Variants in TULP4 observed in about 807,000 individuals in gnomAD.
TULP4 encodes tubby-related protein 4.
In TULP4, 16 loss-of-function variants were observed where a neutral mutation model predicts 129.0. The ratio of observed to expected loss-of-function variants is 0.12; its 90% CI spans 0.08 to 0.19. The LOEUF (loss-of-function observed/expected upper bound fraction) is 0.19, where lower values mean the gene tolerates loss of function less well. Among genes scored for constraint, TULP4 ranks in the 10% least tolerant of loss-of-function variants. The pLI, the probability that TULP4 is intolerant of heterozygous loss-of-function variation, is 1.00. For missense variants in TULP4, 1,842 were observed against 2,059.1 expected (o/e 0.89, Z 2.04); for synonymous variants, 998 against 854.0 (o/e 1.17, Z -2.94).
chr6:158,359,082 T>G (rs903627864), intron 1 of TULP4, among the ~76,000 whole-genome samples: 1 of 152,188 alleles, frequency 6.6e-6, no homozygotes, highest in Admixed American at 6.5e-5. Flanking sequence ...TGTAATACAT[T>G]AAGATAGCCT....
At chr6:158,491,087 T>C (rs940264471) in intron 9 of TULP4, among the ~76,000 whole-genome samples, 1 of 152,186 alleles carries the variant, frequency 6.6e-6, no homozygotes, top group Admixed American at 6.5e-5. Flanking sequence ...TAAAGTTTAT[T>C]AGAAACTGCC....
At chr6:158,337,870 G>A (rs1780084833) in intron 1 of TULP4, among the ~76,000 whole-genome samples, 1 of 151,994 alleles carries the variant, frequency 6.6e-6, no homozygotes, top group African/African-American at 2.4e-5. Flanking sequence ...GAAACCAGAG[G>A]AATATCGAAT....
intron 1 of TULP4, among the ~76,000 whole-genome samples, chr6:158,395,957 T>C (rs777728209): frequency 1.3e-5 from 2 of 152,176 alleles, no homozygotes; most frequent in East Asian, 1.9e-4. Flanking sequence ...TGAAATACGA[T>C]GTCGAGTGAG....
At chr6:158,237,925 T>A in intron 1 of TULP4, 1 of 728,012 alleles carries the variant, frequency 1.4e-6, no homozygotes, top group South Asian at 1.4e-5. Context: ...TTTCCATAGC[T>A]GTTCTAGGTC....
At chr6:158,299,608 G>C (rs760084546) in intron 1 of TULP4, among the ~76,000 whole-genome samples, 144 of 152,248 alleles carry the variant, frequency 9.5e-4, no homozygotes, top group African/African-American at 3.0e-3. Flanking sequence ...CATGTCCAAA[G>C]CCCAGAGGAG....
At chr6:158,253,144 A>G (rs9364885) in intron 1 of TULP4, among the ~76,000 whole-genome samples, 23,643 of 151,896 alleles carry the variant, frequency 0.16, 2,482 homozygotes, top group East Asian at 0.43. Flanking sequence ...TTTTGCTCTC[A>G]CTCTGCTGTC....
At chr6:158,241,954 G>T (rs964988192) in intron 1 of TULP4, 1 of 868,684 alleles carries the variant, frequency 1.2e-6, no homozygotes, top group Non-Finnish European at 2.0e-6. Flanking sequence ...TACTCTTTCC[G>T]CATTGGTTAA....
chr6:158,346,439 T>C (rs1780314776), intron 1 of TULP4, among the ~76,000 whole-genome samples: 1 of 152,230 alleles, frequency 6.6e-6, no homozygotes, highest in Admixed American at 6.5e-5. Flanking sequence ...CATGAGCCAC[T>C]GCACCTCATC....
At chr6:158,402,629 C>A (rs1777879744) in intron 1 of TULP4, among the ~76,000 whole-genome samples, 1 of 152,148 alleles carries the variant, frequency 6.6e-6, no homozygotes, top group African/African-American at 2.4e-5. Context: ...TTTGATAACT[C>A]AAAAACATTG....
At chr6:158,423,341 TAGAC>T (rs886964423) in intron 2 of TULP4, among the ~76,000 whole-genome samples, 12 of 152,316 alleles carry the variant, frequency 7.9e-5, no homozygotes, top group African/African-American at 1.9e-4. Context: ...AAGTTACAGT[TAGAC>T]AGGAAAATAA....
intron 3 of TULP4, among the ~76,000 whole-genome samples, chr6:158,437,079 CTGAA>C (rs1778769612): frequency 6.6e-6 from 1 of 152,184 alleles, no homozygotes; most frequent in Non-Finnish European, 1.5e-5. Context: ...GTAACAGTCA[CTGAA>C]TGCCTGTGCA....
intron 1 of TULP4, among the ~76,000 whole-genome samples, chr6:158,332,250 T>C (rs4994220): frequency 0.88 from 123,003 of 139,360 alleles, 54,283 homozygotes; most frequent in South Asian, 0.94. Context: ...AGAGAAACAG[T>C]AAGATATAAA....
chr6:158,503,656 A>C lies in TULP4; in HGVS notation c.3993A>C (p.Glu1331Asp), dbSNP rs373985552. 1 of 1,614,064 alleles carries C rather than the reference A, an allele frequency of 6.2e-7. No homozygotes were observed. Residue 1331 changes from glutamate (E) to aspartate (D), a missense_variant, in exon 13 of 14, where the codon GAA becomes GAC. By Grantham distance (45) the Glu-to-Asp change is conservative. Transcript: ENST00000367097. This position sits in a 1 kb window ranked among gnomAD's most constrained non-coding sequence, Gnocchi z 4.3. Reference sequence around the variant, plus strand: ...AAAGCCCAGTCCCCCAGCGGACAGAAAAATTTGGAAAGAAGAACCGGAAGC... The same window carrying C: ...AAAGCCCAGTCCCCCAGCGGACAGACAAATTTGGAAAGAAGAACCGGAAGC... ...LTESPVPQRT[E>D]KFGKKNRKRL... is the part of the protein sequence containing the mutation.
At chr6:158,342,212 A>G (rs1780198837) in intron 1 of TULP4, among the ~76,000 whole-genome samples, 1 of 152,208 alleles carries the variant, frequency 6.6e-6, no homozygotes, top group Admixed American at 6.5e-5. Context: ...CACTGCGCCC[A>G]GCCCAGCTTG....
At chr6:158,494,197 G>C (rs1780276452) in intron 10 of TULP4, among the ~76,000 whole-genome samples, 1 of 152,162 alleles carries the variant, frequency 6.6e-6, no homozygotes, top group Non-Finnish European at 1.5e-5. Context: ...GACACACCTG[G>C]TGTAGAGCTA....
rs542671349 is a variant in TULP4 at position 158,388,328 on chromosome 6, T to C, written c.253-24737T>C. On this transcript the variant is annotated intron_variant, in intron 1 of 13. Coordinates refer to ENST00000367097, the MANE Select transcript of TULP4 (RefSeq NM_020245.5). ...AAATAATCTGCTCGTTTTTCTTTTTTTTTTTTTTTTTTTTTTTTTGAGACG... is the reference window on the plus strand; with the variant it reads ...AAATAATCTGCTCGTTTTTCTTTTTCTTTTTTTTTTTTTTTTTTTGAGACG... 1.2e-3 allele frequency among the ~76,000 whole-genome samples: 156 copies of C among 127,382 alleles called. No homozygotes were observed. In the East Asian group the frequency reaches 0.033, roughly 27 times the overall value. The allele number at this position is 127,382 out of a possible 152,430, so 83.6% of individuals were successfully genotyped here.
At chr6:158,330,676 C>T (rs556688500) in intron 1 of TULP4, among the ~76,000 whole-genome samples, 1 of 152,324 alleles carries the variant, frequency 6.6e-6, no homozygotes, top group Non-Finnish European at 1.5e-5. Context: ...AAATTATTCT[C>T]CATACTCCAC....
intron 6 of TULP4, among the ~76,000 whole-genome samples, chr6:158,462,358 T>C (rs1412355230): frequency 1.3e-5 from 2 of 151,282 alleles, no homozygotes; most frequent in East Asian, 1.9e-4. Flanking sequence ...CCCTTACATA[T>C]GTAGATTTTC....
chr6:158,493,626 T>C lies in TULP4; in HGVS notation c.1685T>C (p.Leu562Pro). 1 of 1,595,684 alleles carries C rather than the reference T, an allele frequency of 6.3e-7. No homozygotes were observed. Among genetic ancestry groups the C allele is most frequent in the Non-Finnish European group, 8.5e-7 (1 of 1,171,492 alleles). The change falls in exon 10 of 14, where the codon CTC becomes CCC. Residue 562 changes from leucine to proline, a missense_variant. Coordinates refer to ENST00000367097, the MANE Select transcript of TULP4 (RefSeq NM_020245.5). This position sits in a 1 kb window ranked among gnomAD's most constrained non-coding sequence, Gnocchi z 4.4. Reference sequence around the variant, plus strand: ...AAGCTGCCCCGGGCTGCTCAGGAGCTCTCCCGGTCCCCACGGTTGCCCCTG... The same window carrying C: ...AAGCTGCCCCGGGCTGCTCAGGAGCCCTCCCGGTCCCCACGGTTGCCCCTG... ...SPKLPRAAQE[L>P]SRSPRLPLRK...
Sources: allele counts gnomAD v4.1 joint callset (sites outside exome capture counted in the v4.1 genomes callset), GRCh38; gene constraint gnomAD v4.1.1; non-coding constraint Gnocchi (gnomAD v3.1); transcripts MANE v1.5; gene names NCBI Gene and HGNC (gene_info 2026-07-23, HGNC 2026-07-21).